MAML2: variants seen among roughly 807,000 people sequenced by gnomAD.
The protein encoded by MAML2 is mastermind-like protein 2.
In MAML2, 22 loss-of-function variants were observed where a neutral mutation model predicts 96.1. The observed-to-expected ratio is 0.23, with a 90% CI of 0.16 to 0.33. The LOEUF (loss-of-function observed/expected upper bound fraction) is 0.33. MAML2 is among the 10% of genes least tolerant of loss of function. The pLI, the probability that MAML2 is intolerant of heterozygous loss-of-function variation, is 1.00. For missense variants in MAML2, 1,367 were observed against 1,392.4 expected, an observed-to-expected ratio of 0.98 and a Z score of 0.29; for synonymous variants, 561 against 521.3, an observed-to-expected ratio of 1.08 and a Z score of -1.04.
intron 2 of MAML2, among the ~76,000 whole-genome samples, chr11:96,002,555 T>C (rs11021373): frequency 6.9e-6 from 1 of 145,144 alleles, no homozygotes; most frequent in Non-Finnish European, 1.5e-5. Flanking sequence ...ATGGGGATGA[T>C]GAAGATGATG....
chr11:96,247,508 G>T, intron 1 of MAML2, among the ~76,000 whole-genome samples: 1 of 152,138 alleles, frequency 6.6e-6, no homozygotes, highest in East Asian at 1.9e-4. Context: ...ATTGGCATCT[G>T]CTTTCCAATC....
At chr11:96,230,407 T>C (rs1429534706) in intron 1 of MAML2, among the ~76,000 whole-genome samples, 3 of 152,218 alleles carry the variant, frequency 2.0e-5, no homozygotes, top group Admixed American at 2.0e-4. Context: ...TAAGGATTTA[T>C]ACATATTCTT....
chr11:96,159,148 G>A (rs1169982728), intron 1 of MAML2, among the ~76,000 whole-genome samples: 2 of 152,210 alleles, frequency 1.3e-5, no homozygotes, highest in Admixed American at 1.3e-4. Flanking sequence ...ATATGAAAAA[G>A]AGGAGAAATC....
chr11:96,316,326 A>G (rs775901404), intron 1 of MAML2, among the ~76,000 whole-genome samples: 8 of 152,230 alleles, frequency 5.3e-5, no homozygotes, highest in Non-Finnish European at 1.2e-4. Flanking sequence ...AGGGAGTGAT[A>G]GACCAGAATG....
chr11:96,187,546 C>T (rs1861592075), intron 1 of MAML2, among the ~76,000 whole-genome samples: 3 of 152,124 alleles, frequency 2.0e-5, no homozygotes, highest in Non-Finnish European at 4.4e-5. Context: ...CGGTGGCTCA[C>T]GCCTGTAATG....
chr11:96,063,243 C>G (rs1859195605), intron 2 of MAML2, among the ~76,000 whole-genome samples: 1 of 152,126 alleles, frequency 6.6e-6, no homozygotes. Flanking sequence ...GGGGCCCCTT[C>G]CTTAACCTCA....
chr11:96,055,993 T>G (rs1473910667), intron 2 of MAML2, among the ~76,000 whole-genome samples: 1 of 152,248 alleles, frequency 6.6e-6, no homozygotes, highest in Non-Finnish European at 1.5e-5. Context: ...TTTCCTTGTT[T>G]TATATTATTT....
intron 1 of MAML2, among the ~76,000 whole-genome samples, chr11:96,305,663 T>C (rs1185753462): frequency 6.6e-6 from 1 of 152,236 alleles, no homozygotes; most frequent in Non-Finnish European, 1.5e-5. Context: ...ATCTGTAAGT[T>C]ACTATTCAAG....
intron 1 of MAML2, among the ~76,000 whole-genome samples, chr11:96,269,909 A>C (rs946899054): frequency 7.0e-6 from 1 of 143,624 alleles, no homozygotes; most frequent in African/African-American, 2.7e-5. Context: ...TGACCTCTAA[A>C]CGTTGGGAGC....
intron 1 of MAML2, among the ~76,000 whole-genome samples, chr11:96,199,227 G>A (rs1013631101): frequency 3.3e-5 from 5 of 150,180 alleles, no homozygotes; most frequent in African/African-American, 4.9e-5. Context: ...AAAAAAGAGA[G>A]GGGTAGTCCT....
At chr11:96,278,781 G>C (rs1260256428) in intron 1 of MAML2, among the ~76,000 whole-genome samples, 3 of 152,146 alleles carry the variant, frequency 2.0e-5, no homozygotes, top group African/African-American at 7.2e-5. Context: ...TGTGTGCTTT[G>C]CTAATGAGTT....
intron 3 of MAML2, among the ~76,000 whole-genome samples, chr11:95,989,098 A>T (rs1463279006): frequency 6.6e-6 from 1 of 152,222 alleles, no homozygotes; most frequent in African/African-American, 2.4e-5. Flanking sequence ...AGTACTATTC[A>T]TGTCTCTTCT....
intron 2 of MAML2, among the ~76,000 whole-genome samples, chr11:96,079,647 C>T (rs1326871744): frequency 6.6e-6 from 1 of 152,230 alleles, no homozygotes; most frequent in East Asian, 1.9e-4. Flanking sequence ...CTTATCCCTT[C>T]TTTGCATACT....
intron 1 of MAML2, among the ~76,000 whole-genome samples, chr11:96,171,230 A>C (rs1861290240): frequency 6.6e-6 from 1 of 152,150 alleles, no homozygotes; most frequent in African/African-American, 2.4e-5. Context: ...TGAGCTGAGA[A>C]GAATACACAC....
At chr11:96,128,023 AC>A (rs1283918218) in intron 1 of MAML2, among the ~76,000 whole-genome samples, 1 of 152,170 alleles carries the variant, frequency 6.6e-6, no homozygotes, top group Non-Finnish European at 1.5e-5. Flanking sequence ...ATATCTTGTT[AC>A]CATGTAGATT....
At chr11:96,296,157 C>T (rs988550727) in intron 1 of MAML2, among the ~76,000 whole-genome samples, 1 of 152,126 alleles carries the variant, frequency 6.6e-6, no homozygotes, top group African/African-American at 2.4e-5. Flanking sequence ...CTGCTTCAGC[C>T]TCCAAGTAGC....
intron 2 of MAML2, among the ~76,000 whole-genome samples, chr11:96,064,189 C>T (rs1363196611): frequency 6.6e-6 from 1 of 152,164 alleles, no homozygotes; most frequent in Non-Finnish European, 1.5e-5. Flanking sequence ...AGCACAGCAC[C>T]TCAATATAAG....
intron 1 of MAML2, among the ~76,000 whole-genome samples, chr11:96,150,993 T>C (rs488303): frequency 0.48 from 72,590 of 152,088 alleles, 18,529 homozygotes; most frequent in East Asian, 0.86. Flanking sequence ...AACAAACTCT[T>C]TTGGTGATCT....
chr11:96,022,029 A>G (rs1858443964), intron 2 of MAML2, among the ~76,000 whole-genome samples: 1 of 152,094 alleles, frequency 6.6e-6, no homozygotes, highest in Non-Finnish European at 1.5e-5. Flanking sequence ...TCCATGACTA[A>G]GCTGGGGTCT....
Sources: allele counts gnomAD v4.1 joint callset (sites outside exome capture counted in the v4.1 genomes callset), GRCh38; gene constraint gnomAD v4.1.1; transcripts MANE v1.5; gene names NCBI Gene and HGNC (gene_info 2026-07-23, HGNC 2026-07-21).